The following RAB31 variants were observed in gnomAD, a reference collection of about 807,000 sequenced individuals.
The protein encoded by RAB31 is ras-related protein Rab-31.
RAB31 carries 21 observed loss-of-function variants against 25.6 expected under a neutral mutation model. That is an observed-to-expected ratio of 0.82 (90% CI 0.58 to 1.18). The LOEUF is 1.18. Among genes scored for constraint, RAB31 ranks in the 50% most tolerant of loss-of-function variants. The pLI is 0.00. For missense variants in RAB31, 196 were observed against 250.1 expected (o/e 0.78, Z 1.46); for synonymous variants, 87 against 84.0 (o/e 1.04, Z -0.20).
At chr18:9,851,376 A>G (rs867076419) in intron 6 of RAB31, among the ~76,000 whole-genome samples, 2 of 152,348 alleles carry the variant, frequency 1.3e-5, no homozygotes, top group Middle Eastern at 3.4e-3. Context: ...ACATAATAAC[A>G]AGGTTTAATA....
chr18:9,838,432 G>A (rs954501115), intron 5 of RAB31, among the ~76,000 whole-genome samples: 1 of 152,158 alleles, frequency 6.6e-6, no homozygotes, highest in Admixed American at 6.5e-5. Context: ...GTAAACCTCC[G>A]TAGGGAAAAG....
chr18:9,760,238 A>G (rs1195064475), intron 1 of RAB31, among the ~76,000 whole-genome samples: 1 of 151,774 alleles, frequency 6.6e-6, no homozygotes, highest in African/African-American at 2.4e-5. Context: ...TAATGGCACA[A>G]TCACAGCTCA....
At chr18:9,727,299 G>A (rs1260532727) in intron 1 of RAB31, among the ~76,000 whole-genome samples, 2 of 152,174 alleles carry the variant, frequency 1.3e-5, no homozygotes, top group Admixed American at 6.5e-5. Context: ...ATTAAAATGA[G>A]AAGCATATTA....
At chr18:9,837,585 T>G (rs2068712033) in intron 5 of RAB31, among the ~76,000 whole-genome samples, 1 of 152,132 alleles carries the variant, frequency 6.6e-6, no homozygotes, top group Non-Finnish European at 1.5e-5. Context: ...TTCCATAATA[T>G]GCAAAGAACA....
intron 5 of RAB31, among the ~76,000 whole-genome samples, chr18:9,817,547 G>T (rs145403153): frequency 2.0e-5 from 3 of 152,114 alleles, no homozygotes; most frequent in Non-Finnish European, 4.4e-5. Flanking sequence ...TTAAGAACAG[G>T]CGTGTGTGGC....
In RAB31 at chr18:9,708,517, C is replaced by T. The variant is rs899704985; in HGVS notation, c.39+73C>T. 8.2e-6 allele frequency: 11 copies of T among 1,333,338 alleles called. No homozygotes were observed. Among genetic ancestry groups the T allele is most frequent in the African/African-American group, 3.1e-5 (2 of 65,510 alleles). 82.6% of individuals were successfully genotyped at this position (1,333,338 alleles called of 1,614,324 possible). A position where few individuals can be genotyped will look rare whatever the true frequency, so the allele number is the denominator to read the frequency against. On this transcript the variant is annotated intron_variant, in intron 1 of 6. Coordinates refer to ENST00000578921, the MANE Select transcript of RAB31 (RefSeq NM_006868.4). This position sits in a 1 kb window ranked among gnomAD's most constrained non-coding sequence, Gnocchi z 6.4. Reference sequence around the variant, plus strand: ...CGCCCCTTCGCTCCCCTATTCCCTGCGCGCTCAGTCCCCGTGATCCCCTCG... The same window carrying T: ...CGCCCCTTCGCTCCCCTATTCCCTGTGCGCTCAGTCCCCGTGATCCCCTCG...
chr18:9,759,384 T>C lies in RAB31; in HGVS notation c.40-15894T>C, dbSNP rs1311122166. ...CAGTGTCTCGCTATGTTGTCCAGGC[T>C]GTTCTCAAACTCCTGGCTTCAAGTA... On this transcript the variant is annotated intron_variant, in intron 1 of 6. Coordinates refer to ENST00000578921, the MANE Select transcript of RAB31 (RefSeq NM_006868.4). 3.3e-5 allele frequency among the ~76,000 whole-genome samples: 5 copies of C among 151,970 alleles called. No homozygotes were observed. The East Asian group carries it at 7.7e-4, about 24-fold the overall frequency.
At chr18:9,756,438 T>A (rs1267454697) in intron 1 of RAB31, among the ~76,000 whole-genome samples, 1 of 152,234 alleles carries the variant, frequency 6.6e-6, no homozygotes, top group Non-Finnish European at 1.5e-5. Flanking sequence ...CTCATTTGAT[T>A]AAATCACATC....
intron 3 of RAB31, among the ~76,000 whole-genome samples, chr18:9,813,172 G>C (rs2068583431): frequency 1.3e-5 from 2 of 152,206 alleles, no homozygotes; most frequent in African/African-American, 4.8e-5. Flanking sequence ...CTCCTCTGCT[G>C]TCTTGTCATT....
intron 5 of RAB31, among the ~76,000 whole-genome samples, chr18:9,832,958 C>T (rs535549263): frequency 1.3e-4 from 19 of 151,246 alleles, no homozygotes; most frequent in African/African-American, 3.4e-4. Flanking sequence ...GCTGCCTACA[C>T]TGCACCGAGA....
intron 1 of RAB31, among the ~76,000 whole-genome samples, chr18:9,719,312 T>A (rs1599010566): frequency 1.5e-5 from 1 of 65,730 alleles, no homozygotes; most frequent in African/African-American, 6.0e-5. Context: ...TATATATATA[T>A]ATATATATAT....
intron 1 of RAB31, among the ~76,000 whole-genome samples, chr18:9,745,686 C>T (rs2068202004): frequency 6.6e-6 from 1 of 152,202 alleles, no homozygotes; most frequent in Admixed American, 6.5e-5. Flanking sequence ...AAAAACACCA[C>T]CTGATCCTTT....
At position 9,719,965 on chromosome 18, in the gene RAB31, G is replaced by A. The variant is rs1322520597; in HGVS notation, c.39+11521G>A. Among the ~76,000 whole-genome samples the A allele has an allele frequency of 4.6e-5, 4 of 86,894 alleles. No individual in the cohort carries two copies. The East Asian group carries it at 1.5e-3, about 33-fold the overall frequency. The allele number at this position is 86,894 out of a possible 152,430, so 57.0% of individuals were successfully genotyped here. ...CCAGGGATGCCGTCAAGCCTGGCCA[G>A]GCTCACCTTTTTTTTTTAGATGGAG... On this transcript the variant is annotated intron_variant, in intron 1 of 6. Transcript: ENST00000578921.
intron 6 of RAB31, 104 bp downstream of exon 6, chr18:9,845,795 AATTT>A: frequency 7.1e-7 from 1 of 1,403,594 alleles, no homozygotes; most frequent in Non-Finnish European, 9.3e-7. Context: ...CCTCTGTGTG[AATTT>A]ATCGGATGCC....
At chr18:9,839,939 C>T (rs904519974) in intron 5 of RAB31, among the ~76,000 whole-genome samples, 2 of 152,202 alleles carry the variant, frequency 1.3e-5, no homozygotes, top group Non-Finnish European at 2.9e-5. Flanking sequence ...ACTTCTCCCG[C>T]CCTCCCCATC....
At chr18:9,732,128 G>A (rs1323286399) in intron 1 of RAB31, among the ~76,000 whole-genome samples, 1 of 152,202 alleles carries the variant, frequency 6.6e-6, no homozygotes, top group African/African-American at 2.4e-5. Context: ...CTCCCCAGGG[G>A]CACCAGTCAC....
chr18:9,851,906 A>C (rs779017602), intron 6 of RAB31, among the ~76,000 whole-genome samples: 13 of 151,474 alleles, frequency 8.6e-5, no homozygotes, highest in Non-Finnish European at 1.8e-4. Context: ...ATTTCATAAT[A>C]TATTTCAATA....
chr18:9,779,843 A>G (rs2068392914), intron 2 of RAB31, among the ~76,000 whole-genome samples: 1 of 152,152 alleles, frequency 6.6e-6, no homozygotes, highest in Non-Finnish European at 1.5e-5. Context: ...TTTAATTGTG[A>G]CACAGACAAG....
intron 3 of RAB31, among the ~76,000 whole-genome samples, chr18:9,804,489 T>C (rs1240190471): frequency 6.6e-6 from 1 of 152,004 alleles, no homozygotes; most frequent in Non-Finnish European, 1.5e-5. Context: ...GGTCTGGAGG[T>C]GGATTTGCCG....
Sources: gnomAD v4.1 joint callset for allele counts (sites outside exome capture counted in the v4.1 genomes callset) on GRCh38, gnomAD v4.1.1 for gene constraint, Gnocchi (gnomAD v3.1) non-coding constraint, MANE v1.5 for transcripts, NCBI Gene and HGNC (gene_info 2026-07-23, HGNC 2026-07-21) for gene names.